ZSCAN25: variants seen among roughly 807,000 people sequenced by gnomAD.
ZSCAN25 encodes the protein zinc finger and SCAN domain-containing protein 25.
ZSCAN25 carries 27 observed loss-of-function variants against 38.7 expected under a neutral mutation model. That is an observed-to-expected ratio of 0.70 (90% CI 0.51 to 0.96). The LOEUF is 0.96. ZSCAN25 is among the 40% of genes least tolerant of loss of function. The pLI, the probability that ZSCAN25 is intolerant of heterozygous loss-of-function variation, is 0.00. For missense variants in ZSCAN25, 637 were observed against 705.9 expected (o/e 0.90, Z 1.11); for synonymous variants, 273 against 277.7 (o/e 0.98, Z 0.17).
downstream of ZSCAN25, among the ~76,000 whole-genome samples, chr7:99,636,192 G>T (rs966910358): frequency 1.3e-5 from 2 of 151,810 alleles, no homozygotes; most frequent in Non-Finnish European, 2.9e-5. Context: ...ACCTTAAAAT[G>T]CAATCATTTA....
chr7:99,685,160 C>T, the ZSCAN25 span: 4 of 1,609,588 alleles, frequency 2.5e-6, no homozygotes, highest in South Asian at 4.4e-5. Context: ...CTTACGGTCC[C>T]ATCCCTTGAC....
the ZSCAN25 span, among the ~76,000 whole-genome samples, chr7:99,727,492 G>A: frequency 0.76 from 115,906 of 152,082 alleles, 47,130 homozygotes; most frequent in Non-Finnish European, 0.91. Flanking sequence ...CTGGGCTTCA[G>A]TCTGGCCTCC....
chr7:99,686,340 G>A, the ZSCAN25 span, among the ~76,000 whole-genome samples: 3 of 152,108 alleles, frequency 2.0e-5, no homozygotes, highest in African/African-American at 7.2e-5. Context: ...CTTAAAAAAC[G>A]GCACACCAGG....
In ZSCAN25 at chr7:99,629,328, G is replaced by T; in HGVS notation, c.943G>T (p.Gly315Cys). The change falls in exon 8 of 8, where the codon GGT (glycine) becomes TGT (cysteine). Residue 315 changes from glycine (G) to cysteine (C), a missense_variant. Gly to Cys is a radical substitution (Grantham distance 159, BLOSUM62 -3). Coordinates refer to ENST00000394152, the MANE Select transcript of ZSCAN25 (RefSeq NM_145115.3). The surrounding 1 kb of genome is among the most constrained non-coding windows in gnomAD (Gnocchi z 5.6). ...GLGRVCEQEPGGPAGSAPGLP... is the reference protein window; with the variant it reads ...GLGRVCEQEPCGPAGSAPGLP... ...CGGAAGGGTCTGTGAGCAGGAGCCT[G>T]GTGGCCCTGCAGGCAGTGCGCCTGG... is the stretch of plus-strand genomic sequence containing the variant. 1.9e-6 allele frequency: 3 copies of T among 1,614,184 alleles called. No individual in the cohort carries two copies. The highest frequency in any genetic ancestry group is 1.7e-5 in the Admixed American group (1 of 60,022).
chr7:99,648,408 A>T, the ZSCAN25 span: 1 of 1,591,178 alleles, frequency 6.3e-7, no homozygotes, highest in Non-Finnish European at 8.6e-7. Context: ...GATCTACAAT[A>T]GTTAAACAAG....
the ZSCAN25 span, chr7:99,660,623 AT>A: frequency 6.2e-7 from 1 of 1,613,978 alleles, no homozygotes; most frequent in South Asian, 1.1e-5. Context: ...AAAAATGAAG[AT>A]TATTGACTGG....
chr7:99,713,679 G>A, the ZSCAN25 span: 1 of 1,085,372 alleles, frequency 9.2e-7, no homozygotes, highest in East Asian at 2.6e-5. Flanking sequence ...AGTCACCAGT[G>A]AAAAGGAATA....
chr7:99,697,463 T>C, the ZSCAN25 span, among the ~76,000 whole-genome samples: 2 of 152,284 alleles, frequency 1.3e-5, no homozygotes, highest in South Asian at 4.1e-4. Flanking sequence ...GGCTGAAAAG[T>C]ATGGTGTATA....
chr7:99,622,702 C>T lies in ZSCAN25; in HGVS notation c.681+62C>T, dbSNP rs1051891220. On this transcript the variant is annotated intron_variant, in intron 6 of 7. Transcript: ENST00000394152. ...TGCTTTGATTGAGGTTCACCTTCCC[C>T]AAGGTTTCTCTGCACAACAGTGTTC... 8.7e-6 allele frequency: 13 copies of T among 1,499,674 alleles called. No homozygotes were observed. The Admixed American group carries it at 1.2e-4, about 14-fold the overall frequency. The allele number at this position is 1,499,674 out of a possible 1,614,324, so 92.9% of individuals were successfully genotyped here. A position where few individuals can be genotyped will look rare whatever the true frequency, so the allele number is the denominator to read the frequency against.
intron 3 of ZSCAN25, among the ~76,000 whole-genome samples, chr7:99,619,355 T>G (rs1806731327): frequency 6.6e-6 from 1 of 152,242 alleles, no homozygotes; most frequent in African/African-American, 2.4e-5. Context: ...AAGCAAAATC[T>G]TAGACATTTT....
At chr7:99,713,617 C>T in the ZSCAN25 span, 1 of 1,593,072 alleles carries the variant, frequency 6.3e-7, no homozygotes, top group East Asian at 2.3e-5. Context: ...CCTCAACCTC[C>T]CTTCTGAGAA....
chr7:99,723,996 C>T, the ZSCAN25 span, among the ~76,000 whole-genome samples: 1 of 152,138 alleles, frequency 6.6e-6, no homozygotes, highest in Non-Finnish European at 1.5e-5. Context: ...GGCACAAGTA[C>T]CACCTCCCCT....
At chr7:99,659,586 C>G in the ZSCAN25 span, 1 of 152,866 alleles carries the variant, frequency 6.5e-6, no homozygotes, top group East Asian at 1.9e-4. Flanking sequence ...GGGAGAACCA[C>G]TACTCTCTTC....
At chr7:99,622,787 G>A (rs1807100431) in intron 6 of ZSCAN25, 147 bp downstream of exon 6, 1 of 710,648 alleles carries the variant, frequency 1.4e-6, no homozygotes, top group Non-Finnish European at 2.3e-6. Context: ...TGATGGTGTG[G>A]TTTCCTCCAC....
chr7:99,626,366 A>G (rs1353423835), intron 7 of ZSCAN25, among the ~76,000 whole-genome samples: 1 of 152,170 alleles, frequency 6.6e-6, no homozygotes, highest in African/African-American at 2.4e-5. Context: ...TTTTCTGCGC[A>G]GAGTAATGTG....
the ZSCAN25 span, among the ~76,000 whole-genome samples, chr7:99,689,893 C>G: frequency 0.017 from 2,592 of 152,296 alleles, 49 homozygotes; most frequent in Non-Finnish European, 0.026. Flanking sequence ...TTTATAGATT[C>G]AATGCCATCC....
chr7:99,727,523 A>G, the ZSCAN25 span, among the ~76,000 whole-genome samples: 1 of 151,918 alleles, frequency 6.6e-6, no homozygotes. Context: ...CTGATACCAC[A>G]CCTTATCCCC....
the ZSCAN25 span, among the ~76,000 whole-genome samples, chr7:99,709,578 G>A: frequency 6.6e-6 from 1 of 152,030 alleles, no homozygotes; most frequent in East Asian, 1.9e-4. Context: ...ATGACCACTA[G>A]CATCAAATAA....
At chr7:99,632,989 G>GTTTTTTTTTTTTTTT (rs751799800), downstream of ZSCAN25, among the ~76,000 whole-genome samples, 2 of 128,526 alleles carry the variant, frequency 1.6e-5, no homozygotes, top group African/African-American at 6.0e-5. Flanking sequence ...ATTTTCTGTT[G>GTTTTTTTTTTTTTTT]TTTTTTTTTT....
Sources: gnomAD v4.1 joint callset for allele counts (sites outside exome capture counted in the v4.1 genomes callset) on GRCh38, gnomAD v4.1.1 for gene constraint, Gnocchi (gnomAD v3.1) non-coding constraint, MANE v1.5 for transcripts, NCBI Gene and HGNC (gene_info 2026-07-23, HGNC 2026-07-21) for gene names.